Variants in NEK10 observed in about 807,000 individuals in gnomAD.
The protein encoded by NEK10 is serine/threonine-protein kinase Nek10.
NEK10 carries 122 observed loss-of-function variants against 159.8 expected under a neutral mutation model. The ratio of observed to expected loss-of-function variants is 0.76; its 90% CI spans 0.66 to 0.89. The LOEUF is 0.89. Ranked by LOEUF, NEK10 falls within the 40% of genes least tolerant of loss-of-function variation. NEK10 has a pLI of 0.00. For missense variants in NEK10, 1,342 were observed against 1,323.1 expected (o/e 1.01, Z -0.22); for synonymous variants, 466 against 457.1 (o/e 1.02, Z -0.25).
At chr3:27,245,483 T>C (rs549689253) in intron 23 of NEK10, among the ~76,000 whole-genome samples, 51 of 152,276 alleles carry the variant, frequency 3.3e-4, no homozygotes, top group African/African-American at 1.2e-3. Context: ...ACTACTGTCA[T>C]GTAAACGAAA....
At chr3:27,343,957 C>A (rs115262557) in intron 5 of NEK10, among the ~76,000 whole-genome samples, 1 of 152,088 alleles carries the variant, frequency 6.6e-6, no homozygotes, top group African/African-American at 2.4e-5. Flanking sequence ...GAATGTTGTC[C>A]GTGGTGTTGT....
chr3:27,297,139 A>G (rs746731225), intron 14 of NEK10, 40 bp downstream of exon 14: 2 of 1,385,696 alleles, frequency 1.4e-6, no homozygotes, highest in Non-Finnish European at 1.0e-6. Flanking sequence ...TTGATTATGA[A>G]TGGTTATGGA....
chr3:27,256,794 A>G (rs1384918192), intron 22 of NEK10, among the ~76,000 whole-genome samples: 2 of 152,160 alleles, frequency 1.3e-5, no homozygotes, highest in Non-Finnish European at 2.9e-5. Context: ...TAATCTCAAA[A>G]TATTTATATA....
intron 30 of NEK10, among the ~76,000 whole-genome samples, chr3:27,160,028 C>T (rs1409290983): frequency 6.6e-6 from 1 of 151,634 alleles, no homozygotes; most frequent in Non-Finnish European, 1.5e-5. Context: ...GTTGGTTATG[C>T]ATAAGTTCCA....
At chr3:27,204,171 T>A (rs1950282550) in intron 23 of NEK10, among the ~76,000 whole-genome samples, 1 of 150,362 alleles carries the variant, frequency 6.7e-6, no homozygotes, top group South Asian at 2.1e-4. Context: ...TCCCCTCAAA[T>A]CCCTTTTGCA....
chr3:27,221,639 A>T (rs572621672), intron 23 of NEK10, among the ~76,000 whole-genome samples: 1 of 152,356 alleles, frequency 6.6e-6, no homozygotes, highest in East Asian at 1.9e-4. Context: ...AGGACCCTAG[A>T]CAGTTACAAG....
At chr3:27,192,360 A>T in intron 25 of NEK10, 118 bp from the exon 26 acceptor site, 1 of 712,228 alleles carries the variant, frequency 1.4e-6, no homozygotes, top group Admixed American at 2.4e-5. Context: ...ACCTAAGATA[A>T]CCTGGGATAA....
intron 22 of NEK10, among the ~76,000 whole-genome samples, chr3:27,259,505 G>A (rs1194662061): frequency 6.6e-6 from 1 of 152,110 alleles, no homozygotes; most frequent in Non-Finnish European, 1.5e-5. Context: ...TTTTTGTCAG[G>A]TTTGTCAAAC....
chr3:27,360,513 C>T (rs2048610729), intron 1 of NEK10, among the ~76,000 whole-genome samples: 1 of 152,220 alleles, frequency 6.6e-6, no homozygotes, highest in African/African-American at 2.4e-5. Context: ...AAAGGCCACA[C>T]TGCATCTTTA....
chr3:27,156,931 TATATATATA>T lies in NEK10; in HGVS notation c.2869+5761_2869+5769del, dbSNP rs1414701239. On this transcript the variant is annotated intron_variant, in intron 30 of 35. Coordinates refer to ENST00000691995, the MANE Select transcript of NEK10 (RefSeq NM_001394966.1). ...ATCAAGGAGTGCATAAAGAAACTGA[TATATATATA>T]TATATATATATATATATATATATAT... 1.1e-3 allele frequency among the ~76,000 whole-genome samples: 6 copies of T among 5,302 alleles called. No individual in the cohort carries two copies. In the African/African-American group the frequency reaches 0.012, roughly 11 times the overall value. 3.5% of individuals were successfully genotyped at this position (5,302 alleles called of 152,430 possible).
chr3:27,120,127 A>G (rs1941078936), intron 32 of NEK10, among the ~76,000 whole-genome samples: 1 of 152,192 alleles, frequency 6.6e-6, no homozygotes, highest in Non-Finnish European at 1.5e-5. Flanking sequence ...GCCTTATGAG[A>G]GCAAAAGAAA....
At chr3:27,271,619 T>G (rs1297094461) in intron 22 of NEK10, among the ~76,000 whole-genome samples, 1 of 152,128 alleles carries the variant, frequency 6.6e-6, no homozygotes, top group Non-Finnish European at 1.5e-5. Context: ...CAGATATCCA[T>G]AAAAACACAG....
chr3:27,160,133 A>G (rs1879766), intron 30 of NEK10, among the ~76,000 whole-genome samples: 36,737 of 152,140 alleles, frequency 0.24, 4,719 homozygotes, highest in Middle Eastern at 0.38. Context: ...AAAATAAATC[A>G]TTCACAAATT....
At chr3:27,331,240 A>AAAAAACAAACAAAC (rs796626459) in intron 5 of NEK10, among the ~76,000 whole-genome samples, 29 of 91,036 alleles carry the variant, frequency 3.2e-4, no homozygotes, top group Admixed American at 1.2e-3. Context: ...TCTGTCTCAA[A>AAAAAACAAACAAAC]AAAAAAAAAA....
At chr3:27,132,575 G>C (rs115382250) in intron 31 of NEK10, among the ~76,000 whole-genome samples, 1,978 of 152,262 alleles carry the variant, frequency 0.013, 20 homozygotes, top group African/African-American at 0.027. Context: ...GTTACATTTA[G>C]TAAGTGAGTA....
chr3:27,241,180 G>A (rs1954522208), intron 23 of NEK10, among the ~76,000 whole-genome samples: 1 of 152,116 alleles, frequency 6.6e-6, no homozygotes, highest in African/African-American at 2.4e-5. Context: ...AGAAGAATTT[G>A]TTCAGAGAGC....
intron 23 of NEK10, among the ~76,000 whole-genome samples, chr3:27,247,692 T>C (rs1036306445): frequency 6.6e-6 from 1 of 152,072 alleles, no homozygotes; most frequent in Non-Finnish European, 1.5e-5. Flanking sequence ...CACACCACCA[T>C]GCCTGGCTAA....
chr3:27,257,846 T>C (rs1956372873), intron 22 of NEK10, among the ~76,000 whole-genome samples: 1 of 150,036 alleles, frequency 6.7e-6, no homozygotes, highest in South Asian at 2.1e-4. Flanking sequence ...TGGAGTGCAG[T>C]GGCGCAATCT....
At chr3:27,350,125 T>C (rs2047864063) in intron 3 of NEK10, among the ~76,000 whole-genome samples, 1 of 152,184 alleles carries the variant, frequency 6.6e-6, no homozygotes, top group African/African-American at 2.4e-5. Context: ...GGCCACAACT[T>C]GTTAGCGCAG....
Sources: gnomAD v4.1 joint callset for allele counts (sites outside exome capture counted in the v4.1 genomes callset) on GRCh38, gnomAD v4.1.1 for gene constraint, MANE v1.5 for transcripts, NCBI Gene and HGNC (gene_info 2026-07-23, HGNC 2026-07-21) for gene names.